RALYL: variants seen among roughly 807,000 people sequenced by gnomAD.
RALYL encodes the protein RALY RNA binding protein like.
Under a neutral mutation model 35.1 loss-of-function variants are expected in RALYL, and 29 were observed. That is an observed-to-expected ratio of 0.83 (90% confidence interval 0.61 to 1.13). RALYL has a LOEUF of 1.13. Among genes scored for constraint, RALYL ranks in the 50% most tolerant of loss-of-function variants. RALYL has a pLI of 0.00. For missense variants in RALYL, 359 were observed against 360.4 expected (o/e 1.00, Z 0.03); for synonymous variants, 120 against 127.6 (o/e 0.94, Z 0.40).
intron 2 of RALYL, among the ~76,000 whole-genome samples, chr8:84,556,856 A>C (rs1252200): frequency 6.6e-6 from 1 of 151,866 alleles, no homozygotes; most frequent in Admixed American, 6.6e-5. Context: ...AACACCGACC[A>C]CACCGACCAA....
intron 2 of RALYL, among the ~76,000 whole-genome samples, chr8:84,665,576 T>C (rs993079876): frequency 6.6e-6 from 1 of 152,144 alleles, no homozygotes; most frequent in African/African-American, 2.4e-5. Flanking sequence ...TCTTCTAGAT[T>C]TTCTAGTTTA....
intron 1 of RALYL, among the ~76,000 whole-genome samples, chr8:84,367,752 G>A (rs1262509537): frequency 6.6e-6 from 1 of 152,010 alleles, no homozygotes; most frequent in Admixed American, 6.6e-5. Context: ...CCACTTGAGT[G>A]TTATTAGAAT....
chr8:84,417,978 T>A (rs188939716), intron 1 of RALYL, among the ~76,000 whole-genome samples: 209 of 152,326 alleles, frequency 1.4e-3, no homozygotes, highest in African/African-American at 4.5e-3. Flanking sequence ...AGAGATCTTT[T>A]CCCCTACTAA....
At chr8:84,516,112 T>C (rs972546383) in intron 1 of RALYL, among the ~76,000 whole-genome samples, 1 of 152,060 alleles carries the variant, frequency 6.6e-6, no homozygotes. Context: ...CTAAAAATAA[T>C]AGTAGACATC....
chr8:84,376,101 A>G (rs1408752518), intron 1 of RALYL, among the ~76,000 whole-genome samples: 1 of 151,940 alleles, frequency 6.6e-6, no homozygotes, highest in African/African-American at 2.4e-5. Context: ...TAAAGGTGAC[A>G]CACCAAAGAC....
At chr8:84,550,999 C>T (rs1459813904) in intron 2 of RALYL, among the ~76,000 whole-genome samples, 2 of 151,710 alleles carry the variant, frequency 1.3e-5, no homozygotes, top group East Asian at 1.9e-4. Flanking sequence ...AAAGCATAAA[C>T]AAGATTTTTT....
intron 1 of RALYL, among the ~76,000 whole-genome samples, chr8:84,230,762 T>C (rs1825150039): frequency 6.6e-6 from 1 of 152,192 alleles, no homozygotes; most frequent in Non-Finnish European, 1.5e-5. Flanking sequence ...CTCACTTAAT[T>C]CTAATAATAT....
intron 4 of RALYL, among the ~76,000 whole-genome samples, chr8:84,839,188 G>A (rs1325256497): frequency 1.3e-5 from 2 of 152,242 alleles, no homozygotes. Context: ...CCCCCGGGAA[G>A]TGCAAGAGGT....
intron 4 of RALYL, among the ~76,000 whole-genome samples, chr8:84,807,378 T>C (rs1824897705): frequency 6.6e-6 from 1 of 152,208 alleles, no homozygotes; most frequent in Non-Finnish European, 1.5e-5. Context: ...TATTCCATCA[T>C]ATAAATATAC....
intron 1 of RALYL, among the ~76,000 whole-genome samples, chr8:84,414,607 C>T (rs943763609): frequency 1.3e-5 from 2 of 152,232 alleles, no homozygotes; most frequent in East Asian, 3.9e-4. Flanking sequence ...ATTCAACTAT[C>T]AACATTTGCT....
chr8:84,622,313 A>G (rs113107709), intron 2 of RALYL, among the ~76,000 whole-genome samples: 1 of 152,328 alleles, frequency 6.6e-6, no homozygotes, highest in Non-Finnish European at 1.5e-5. Context: ...TTCTAGGAAG[A>G]ATATAAAAGT....
In RALYL at chr8:84,594,901, C is replaced by A. The variant is rs58454471; in HGVS notation, c.256+65324C>A. On this transcript the variant is annotated intron_variant, in intron 2 of 8. Transcript: ENST00000521268. The stretch of plus-strand genomic sequence containing the variant: ...GATCTTCCAGTCACACTTTTATGAA[C>A]CTTGAGCTTTTAGAGCATGGTTGCT... 5.2e-3 allele frequency among the ~76,000 whole-genome samples: 787 copies of A among 151,350 alleles called. 6 individuals are homozygous for A. The highest frequency in any genetic ancestry group is 0.018 in the African/African-American group (750 of 40,998).
intron 5 of RALYL, among the ~76,000 whole-genome samples, chr8:84,855,768 T>G (rs1177157576): frequency 3.3e-5 from 5 of 152,218 alleles, no homozygotes; most frequent in Non-Finnish European, 7.3e-5. Context: ...TTCAATAATA[T>G]TAGGAAAAGC....
intron 2 of RALYL, among the ~76,000 whole-genome samples, chr8:84,675,379 AATTTG>A (rs1315063553): frequency 6.6e-6 from 1 of 152,142 alleles, no homozygotes; most frequent in African/African-American, 2.4e-5. Context: ...GTTTTTAAGA[AATTTG>A]ACTTAATAGA....
intron 1 of RALYL, among the ~76,000 whole-genome samples, chr8:84,186,430 G>A (rs2130811013): frequency 6.6e-6 from 1 of 152,266 alleles, no homozygotes; most frequent in East Asian, 1.9e-4. Context: ...GACAATTTAT[G>A]TGTATAATAT....
chr8:84,345,807 G>A (rs1849734483), intron 1 of RALYL, among the ~76,000 whole-genome samples: 1 of 152,018 alleles, frequency 6.6e-6, no homozygotes, highest in Non-Finnish European at 1.5e-5. Flanking sequence ...TCCTACTCTT[G>A]GGGAGCTTCA....
intron 4 of RALYL, among the ~76,000 whole-genome samples, chr8:84,806,945 G>A (rs759923773): frequency 1.8e-4 from 28 of 151,904 alleles, no homozygotes; most frequent in Non-Finnish European, 3.1e-4. Flanking sequence ...CAGCAGGTCC[G>A]GGCTACAATG....
chr8:84,491,649 G>A (rs1249615577), intron 1 of RALYL, among the ~76,000 whole-genome samples: 5 of 151,936 alleles, frequency 3.3e-5, no homozygotes, highest in African/African-American at 1.2e-4. Flanking sequence ...AAAGAAGGAA[G>A]CTCAGGAAAA....
At chr8:84,311,058 A>AG in intron 1 of RALYL, among the ~76,000 whole-genome samples, 1 of 104,470 alleles carries the variant, frequency 9.6e-6, no homozygotes, top group African/African-American at 3.9e-5. Context: ...CGTCTCAAAA[A>AG]AAAAAAAAAA....
Sources: gnomAD v4.1 joint callset for allele counts (sites outside exome capture counted in the v4.1 genomes callset) on GRCh38, gnomAD v4.1.1 for gene constraint, MANE v1.5 for transcripts, NCBI Gene and HGNC (gene_info 2026-07-23, HGNC 2026-07-21) for gene names.